Variants in SLC14A1 observed in about 807,000 individuals in gnomAD.
SLC14A1 encodes the protein solute carrier family 14 member 1 (Kidd blood group), also known as urea transporter 1.
A neutral mutation model predicts 39.6 loss-of-function variants in SLC14A1; 36 were observed. That is an observed-to-expected ratio of 0.91 (90% CI 0.70 to 1.20). The LOEUF (loss-of-function observed/expected upper bound fraction) is 1.20, where lower values mean the gene tolerates loss of function less well. Ranked by LOEUF, SLC14A1 falls within the 50% of genes most tolerant of loss-of-function variation. SLC14A1 has a pLI of 0.00. For missense variants in SLC14A1, 469 were observed against 478.7 expected, an observed-to-expected ratio of 0.98 and a Z score of 0.19; for synonymous variants, 164 against 173.6, an observed-to-expected ratio of 0.94 and a Z score of 0.43.
chr18:45,736,936 G>T (rs7237102), intron 6 of SLC14A1, among the ~76,000 whole-genome samples: 28,837 of 151,638 alleles, frequency 0.19, 4,376 homozygotes, highest in East Asian at 0.41. Flanking sequence ...CGTAAGCTTG[G>T]GGGTGGGGGT....
intron 4 of SLC14A1, among the ~76,000 whole-genome samples, chr18:45,731,916 G>A (rs2047042502): frequency 6.6e-6 from 1 of 152,206 alleles, no homozygotes; most frequent in East Asian, 1.9e-4. Flanking sequence ...ACACAACTAA[G>A]CTCTTGTAAC....
Position 45,730,352 on chromosome 18 carries a change from A to G in SLC14A1, c.32A>G (p.Asp11Gly), listed in dbSNP as rs1275060931. The change falls in exon 3 of 10, where the codon GAC (aspartate) becomes GGC (glycine). Residue 11 changes from aspartate to glycine, a missense_variant. Coordinates refer to ENST00000321925, the MANE Select transcript of SLC14A1 (RefSeq NM_015865.7). MEDSPTMVRV[D>G]SPTMVRGENQ... is the part of the protein sequence containing the mutation. ...GACAGCCCCACTATGGTTAGAGTGG[A>G]CAGCCCCACTATGGTTAGGGGTGAA... The G allele has an allele frequency of 6.2e-7, 1 of 1,614,046 alleles. No homozygotes were observed. Among genetic ancestry groups the G allele is most frequent in the African/African-American group, 1.3e-5 (1 of 74,918 alleles).
intron 8 of SLC14A1, among the ~76,000 whole-genome samples, chr18:45,740,592 G>A (rs917029391): frequency 6.6e-6 from 1 of 151,610 alleles, no homozygotes; most frequent in Non-Finnish European, 1.5e-5. Context: ...CTGGAGTGCG[G>A]TGGTGTGAAC....
intron 9 of SLC14A1, 46 bp from the exon 10 acceptor site, chr18:45,749,732 T>C: frequency 6.2e-7 from 1 of 1,611,994 alleles, no homozygotes; most frequent in East Asian, 2.2e-5. Context: ...AGCTCAGCTG[T>C]CAGATGGGAT....
chr18:45,738,308 C>T (rs919758127), intron 6 of SLC14A1, among the ~76,000 whole-genome samples: 2 of 152,180 alleles, frequency 1.3e-5, no homozygotes, highest in African/African-American at 2.4e-5. Flanking sequence ...AAACATCTTT[C>T]AGTAAATGGC....
intron 2 of SLC14A1, chr18:45,726,577 T>A (rs1191539130): frequency 6.6e-6 from 1 of 152,142 alleles, no homozygotes; most frequent in Non-Finnish European, 1.5e-5. Context: ...GGAGGATCAC[T>A]TGAGGCCAGG....
At chr18:45,724,711 T>C (rs1233210679) in intron 1 of SLC14A1, among the ~76,000 whole-genome samples, 1 of 152,246 alleles carries the variant, frequency 6.6e-6, no homozygotes. Context: ...AATGGCCCTT[T>C]CCAGTGATGG....
chr18:45,729,738 G>A (rs8087241), intron 2 of SLC14A1: 63,254 of 152,022 alleles, frequency 0.42, 14,170 homozygotes, highest in East Asian at 0.52. Context: ...TGGGGAGACC[G>A]TGTCAACACA....
In SLC14A1 at chr18:45,736,641, C is replaced by T; in HGVS notation, c.656C>T (p.Ala219Val). Reference sequence around the variant, plus strand: ...AATATCTCCTGGTCTGACCTCAGTGCCCTGGAGGTAAGAGACACTGGCTTC... The same window carrying T: ...AATATCTCCTGGTCTGACCTCAGTGTCCTGGAGGTAAGAGACACTGGCTTC... ...APNISWSDLS[A>V]LELLKSIPVG... The change falls in exon 6 of 10, where the codon GCC (alanine) becomes GTC (valine). Residue 219 changes from alanine (A) to valine (V), a missense_variant. By Grantham distance (64) the Ala-to-Val change is moderately conservative. Coordinates refer to ENST00000321925, the MANE Select transcript of SLC14A1 (RefSeq NM_015865.7). 1 of 1,613,754 alleles carries T rather than the reference C, an allele frequency of 6.2e-7. No homozygotes were observed. Among genetic ancestry groups the T allele is most frequent in the Non-Finnish European group, 8.5e-7 (1 of 1,179,660 alleles).
At chr18:45,747,894 T>C (rs2047593543) in intron 8 of SLC14A1, among the ~76,000 whole-genome samples, 1 of 152,186 alleles carries the variant, frequency 6.6e-6, no homozygotes, top group Admixed American at 6.5e-5. Context: ...TGATTTTTTG[T>C]AGCTGTGAAT....
Position 45,751,273 on chromosome 18 carries a change from G to A in SLC14A1, c.*1322G>A. 6.8e-6 allele frequency: 4 copies of A among 584,584 alleles called. No individual in the cohort carries two copies. The highest frequency in any genetic ancestry group is 8.6e-6 in the Non-Finnish European group (4 of 465,870). 36.2% of individuals were successfully genotyped at this position (584,584 alleles called of 1,614,324 possible). A position where few individuals can be genotyped will look rare whatever the true frequency, so the allele number is the denominator to read the frequency against. On this transcript the variant is annotated 3_prime_UTR_variant, in exon 10 of 10. Transcript: ENST00000321925. ...GAAAATGACTTGAGCCCAGGAGGAG[G>A]AGGCTGCAGTGAGCTAAGATTGCAC...
intron 2 of SLC14A1, chr18:45,729,630 G>T (rs967381282): frequency 1.3e-5 from 2 of 151,970 alleles, no homozygotes; most frequent in Admixed American, 6.6e-5. Flanking sequence ...TTCTTGCCTG[G>T]TTTTACATAT....
chr18:45,729,618 C>T (rs1486704890), intron 2 of SLC14A1: 2 of 152,148 alleles, frequency 1.3e-5, no homozygotes, highest in African/African-American at 4.8e-5. Context: ...GATGAAATAT[C>T]CTTCTTGCCT....
chr18:45,730,872 A>G (rs2047008664), intron 3 of SLC14A1, 143 bp from the exon 4 acceptor site: 2 of 774,162 alleles, frequency 2.6e-6, no homozygotes. Flanking sequence ...CTAATGCAAC[A>G]ATGGGTTGAG....
At chr18:45,726,772 C>T (rs2052109696) in intron 2 of SLC14A1, 1 of 154,152 alleles carries the variant, frequency 6.5e-6, no homozygotes, top group African/African-American at 2.4e-5. Context: ...ACAGAGCCCA[C>T]ATCATGCATC....
At position 45,724,214 on chromosome 18, in the gene SLC14A1, G is replaced by C. The variant is rs536632665; in HGVS notation, c.-145G>C. The C allele has an allele frequency of 2.0e-5, 3 of 152,378 alleles. No individual in the cohort carries two copies. The highest frequency in any genetic ancestry group is 3.9e-4 in the East Asian group (2 of 5,188). The allele number at this position is 152,378 out of a possible 1,614,324, so 9.4% of individuals were successfully genotyped here. A position where few individuals can be genotyped will look rare whatever the true frequency, so the allele number is the denominator to read the frequency against. ...CTGAGAAGCACTCTCCCTTGTCGTG[G>C]AGGTGGGCAAATCTTTATCAGCCAC... is the stretch of plus-strand genomic sequence containing the variant. On this transcript the variant is annotated 5_prime_UTR_variant, in exon 1 of 10. Transcript: ENST00000321925.
intron 8 of SLC14A1, among the ~76,000 whole-genome samples, chr18:45,741,412 TTATCAC>T (rs1323836920): frequency 6.6e-6 from 1 of 152,230 alleles, no homozygotes; most frequent in Non-Finnish European, 1.5e-5. Flanking sequence ...TAGAATCAGT[TTATCAC>T]CAGATTAATC....
Position 45,751,790 on chromosome 18 carries a change from T to C in SLC14A1, c.*1839T>C, listed in dbSNP as rs1257852225. ...GAGCAAGACCCTATCTCAAAAAAAT[T>C]AATTAATTAATTAATTAATTAATTT... On this transcript the variant is annotated 3_prime_UTR_variant, in exon 10 of 10. Coordinates refer to ENST00000321925, the MANE Select transcript of SLC14A1 (RefSeq NM_015865.7). 1 of 814,164 alleles carries C rather than the reference T, an allele frequency of 1.2e-6. No homozygotes were observed. Among genetic ancestry groups the C allele is most frequent in the African/African-American group, 1.9e-5 (1 of 52,688 alleles). The allele number at this position is 814,164 out of a possible 1,614,324, so 50.4% of individuals were successfully genotyped here.
intron 8 of SLC14A1, among the ~76,000 whole-genome samples, chr18:45,742,218 G>A (rs151231933): frequency 6.6e-6 from 1 of 152,126 alleles, no homozygotes; most frequent in African/African-American, 2.4e-5. Flanking sequence ...ATTCTGTTTG[G>A]TGGAAAGTGT....
Sources: gnomAD v4.1 joint callset for allele counts (sites outside exome capture counted in the v4.1 genomes callset) on GRCh38, gnomAD v4.1.1 for gene constraint, MANE v1.5 for transcripts, NCBI Gene and HGNC (gene_info 2026-07-23, HGNC 2026-07-21) for gene names.